Variants in PATL2 observed in about 807,000 individuals in gnomAD.
PATL2 encodes protein PAT1 homolog 2.
A neutral mutation model predicts 77.0 loss-of-function variants in PATL2; 73 were observed. The observed-to-expected ratio is 0.95, with a 90% CI of 0.78 to 1.15. The LOEUF (loss-of-function observed/expected upper bound fraction) is 1.15, where lower values mean the gene tolerates loss of function less well. Among genes scored for constraint, PATL2 ranks in the 50% most tolerant of loss-of-function variants. The pLI is 0.00. For missense variants in PATL2, 618 were observed against 655.4 expected, an observed-to-expected ratio of 0.94 and a Z score of 0.62; for synonymous variants, 265 against 257.1, an observed-to-expected ratio of 1.03 and a Z score of -0.29.
chr15:44,697,160 TTCC>T lies in PATL2; in HGVS notation c.-76+12933_-76+12935del, dbSNP rs140521278. Among the ~76,000 whole-genome samples the T allele has an allele frequency of 5.1e-3, 774 of 151,872 alleles. 7 individuals carry two copies. The highest frequency in any genetic ancestry group is 0.018 in the African/African-American group (750 of 41,446). On this transcript the variant is annotated intron_variant, in intron 3 of 17. Coordinates refer to ENST00000682850, the MANE Select transcript of PATL2 (RefSeq NM_001387263.1). ...CTCCTCCTCCCTCTTCCTCTTCCCCTTCCTCCTCCTCCTTCTCCTCCTCCTTTC... is the reference window on the plus strand; with the variant it reads ...CTCCTCCTCCCTCTTCCTCTTCCCCTTCCTCCTCCTTCTCCTCCTCCTTTC...
intron 2 of PATL2, among the ~76,000 whole-genome samples, chr15:44,710,638 C>T (rs2086837623): frequency 6.6e-6 from 1 of 152,146 alleles, no homozygotes; most frequent in Non-Finnish European, 1.5e-5. Context: ...ATTCTTTCCT[C>T]CTACAGTTTA....
intron 6 of PATL2, among the ~76,000 whole-genome samples, chr15:44,673,640 A>AC (rs2085803782): frequency 6.6e-6 from 1 of 152,072 alleles, no homozygotes; most frequent in African/African-American, 2.4e-5. Context: ...TGGAAAGTCA[A>AC]CACTTCTCAC....
chr15:44,699,707 C>A (rs1452725736), intron 3 of PATL2, among the ~76,000 whole-genome samples: 2 of 152,110 alleles, frequency 1.3e-5, no homozygotes, highest in Admixed American at 1.3e-4. Context: ...TAGTTTCATT[C>A]TTCTGCATAT....
intron 3 of PATL2, among the ~76,000 whole-genome samples, chr15:44,706,488 G>A (rs954054810): frequency 6.6e-6 from 1 of 152,212 alleles, no homozygotes; most frequent in Non-Finnish European, 1.5e-5. Context: ...TTAAACTGCT[G>A]ACAACTTAAC....
At chr15:44,673,985 C>T (rs1337065349) in intron 6 of PATL2, among the ~76,000 whole-genome samples, 165 bp downstream of exon 6, 1 of 152,192 alleles carries the variant, frequency 6.6e-6, no homozygotes, top group Admixed American at 6.5e-5. Flanking sequence ...TGCTTGGGCA[C>T]ACCACCTCTG....
Position 44,667,221 on chromosome 15 carries a change from A to G in PATL2, c.1366-18T>C. 1 of 1,538,526 alleles carries G rather than the reference A, an allele frequency of 6.5e-7. No individual in the cohort carries two copies. The highest frequency in any genetic ancestry group is 2.0e-5 in the Admixed American group (1 of 50,858). On this transcript the variant is annotated intron_variant, in intron 15 of 17. Coordinates refer to ENST00000682850, the MANE Select transcript of PATL2 (RefSeq NM_001387263.1). ...ATTCCAAACTGCAAGGGACATATAT[A>G]TATTCCAGAGCAAAATGAGTTCACA...
At chr15:44,709,183 G>C (rs1042030187) in intron 3 of PATL2, among the ~76,000 whole-genome samples, 16 of 152,138 alleles carry the variant, frequency 1.1e-4, no homozygotes, top group African/African-American at 3.6e-4. Flanking sequence ...ACAGGTGTGA[G>C]CCACCACATC....
intron 3 of PATL2, among the ~76,000 whole-genome samples, chr15:44,688,710 T>G (rs1334807802): frequency 1.3e-5 from 2 of 152,098 alleles, no homozygotes; most frequent in African/African-American, 2.4e-5. Context: ...AAAAATTAAC[T>G]CAAGATGGAT....
chr15:44,687,524 C>A (rs1319836643), intron 3 of PATL2, among the ~76,000 whole-genome samples: 1 of 152,174 alleles, frequency 6.6e-6, no homozygotes, highest in African/African-American at 2.4e-5. Context: ...TCTCACCACT[C>A]CTATTCAACA....
Position 44,687,009 on chromosome 15 carries a change from A to T in PATL2, c.-75-10444T>A, listed in dbSNP as rs191040268. Among the ~76,000 whole-genome samples, 165 of 152,350 alleles carry T rather than the reference A, an allele frequency of 1.1e-3. 1 individual carries two copies. The South Asian group carries it at 0.021, about 19-fold the overall frequency. On this transcript the variant is annotated intron_variant, in intron 3 of 17. Transcript: ENST00000682850. The stretch of plus-strand genomic sequence containing the variant: ...AGCTGGTACCATTCCTTCTGAAACT[A>T]TTCCAAACAATAGAAAAAGAGGTAA...
At chr15:44,680,409 T>G (rs1271338005) in intron 3 of PATL2, among the ~76,000 whole-genome samples, 1 of 152,138 alleles carries the variant, frequency 6.6e-6, no homozygotes, top group East Asian at 1.9e-4. Flanking sequence ...ACCTCTTATG[T>G]TATGGGGAAA....
Position 44,669,996 on chromosome 15 carries a change from T to G in PATL2, c.749A>C (p.Tyr250Ser). The G allele has an allele frequency of 6.5e-7, 1 of 1,549,716 alleles. No individual in the cohort carries two copies. The highest frequency in any genetic ancestry group is 8.7e-7 in the Non-Finnish European group (1 of 1,146,176). The change falls in exon 10 of 18, where the codon TAC becomes TCC. Residue 250 changes from tyrosine to serine, a missense_variant. Tyr to Ser is a moderately radical substitution (Grantham distance 144, BLOSUM62 -2). Transcript: ENST00000682850. ...RVESLKLVTP[Y>S]IPKAEAYESV... is the part of the protein sequence containing the mutation. ...CTCATAAGCCTCTGCCTTCGGAATG[T>G]AAGGCGTTACCAGCTTGAGGGACTC...
At chr15:44,689,757 T>C (rs1054852463) in intron 3 of PATL2, among the ~76,000 whole-genome samples, 8 of 152,160 alleles carry the variant, frequency 5.3e-5, no homozygotes, top group African/African-American at 1.9e-4. Context: ...AAATACCTAA[T>C]GTAGATGACT....
At chr15:44,670,177 TA>T in intron 9 of PATL2, 90 bp from the exon 10 acceptor site, 2 of 1,476,204 alleles carry the variant, frequency 1.4e-6, no homozygotes, top group Non-Finnish European at 1.8e-6. Context: ...TGCAGCCTCT[TA>T]AGTTTAGTTT....
chr15:44,702,117 T>C (rs533376229), intron 3 of PATL2, among the ~76,000 whole-genome samples: 1 of 152,158 alleles, frequency 6.6e-6, no homozygotes, highest in African/African-American at 2.4e-5. Context: ...TTCATATGTT[T>C]AGTAACATTT....
chr15:44,695,162 C>T (rs549603093), intron 3 of PATL2, among the ~76,000 whole-genome samples: 1 of 151,710 alleles, frequency 6.6e-6, no homozygotes, highest in South Asian at 2.1e-4. Flanking sequence ...GCACTCCAGC[C>T]TGGCGACAGA....
chr15:44,670,235 T>C (rs1210452691), intron 9 of PATL2, 148 bp from the exon 10 acceptor site: 17 of 1,163,912 alleles, frequency 1.5e-5, no homozygotes, highest in East Asian at 2.6e-5. Flanking sequence ...CATCTCCCTC[T>C]GTCACCCAGC....
chr15:44,673,421 A>G, intron 6 of PATL2, 44 bp from the exon 7 acceptor site: 1 of 1,546,590 alleles, frequency 6.5e-7, no homozygotes, highest in Non-Finnish European at 8.7e-7. Context: ...CATCTCCACC[A>G]AAAGAATGCT....
chr15:44,699,885 C>T (rs923136448), intron 3 of PATL2, among the ~76,000 whole-genome samples: 1 of 152,092 alleles, frequency 6.6e-6, no homozygotes, highest in Non-Finnish European at 1.5e-5. Context: ...CAGTATCATG[C>T]TCTTTTGGTT....
Sources: gnomAD v4.1 joint callset for allele counts (sites outside exome capture counted in the v4.1 genomes callset) on GRCh38, gnomAD v4.1.1 for gene constraint, MANE v1.5 for transcripts, NCBI Gene and HGNC (gene_info 2026-07-23, HGNC 2026-07-21) for gene names.